Variants in GRID2 observed in about 807,000 individuals in gnomAD.
The protein encoded by GRID2 is glutamate receptor ionotropic, delta-2.
GRID2 carries 33 observed loss-of-function variants against 114.8 expected under a neutral mutation model. The ratio of observed to expected loss-of-function variants is 0.29; its 90% CI spans 0.22 to 0.38. The LOEUF (loss-of-function observed/expected upper bound fraction) is 0.38, where lower values mean the gene tolerates loss of function less well. Ranked by LOEUF, GRID2 falls within the 10% of genes least tolerant of loss-of-function variation. The pLI is 1.00. For synonymous variants in GRID2, 505 were observed against 449.9 expected (o/e 1.12, Z -1.55); for missense variants, 1,184 against 1,257.7 (o/e 0.94, Z 0.89).
At chr4:92,348,236 G>T (rs966764878) in intron 1 of GRID2, among the ~76,000 whole-genome samples, 4 of 152,234 alleles carry the variant, frequency 2.6e-5, no homozygotes, top group South Asian at 2.1e-4. Context: ...AAAGTGTAGG[G>T]ATTAGTCATG....
intron 8 of GRID2, among the ~76,000 whole-genome samples, chr4:93,336,528 G>A (rs1161090854): frequency 6.6e-6 from 1 of 152,130 alleles, no homozygotes; most frequent in Non-Finnish European, 1.5e-5. Flanking sequence ...ATGCTCTCAG[G>A]TATATGTGTG....
intron 2 of GRID2, among the ~76,000 whole-genome samples, chr4:92,961,490 T>A (rs1752808128): frequency 6.6e-6 from 1 of 151,686 alleles, no homozygotes; most frequent in African/African-American, 2.4e-5. Flanking sequence ...TAATATTAAA[T>A]ATTTCATTTA....
chr4:93,083,348 C>G (rs1378196943), intron 2 of GRID2, among the ~76,000 whole-genome samples: 2 of 151,920 alleles, frequency 1.3e-5, no homozygotes, highest in Non-Finnish European at 1.5e-5. Context: ...ATGAACATGA[C>G]TAGAACATAT....
chr4:92,445,289 C>T (rs919598810), intron 1 of GRID2, among the ~76,000 whole-genome samples: 2 of 152,114 alleles, frequency 1.3e-5, no homozygotes, highest in Non-Finnish European at 2.9e-5. Flanking sequence ...ATCACAATGT[C>T]GTGCTGCTAA....
chr4:92,767,545 G>T (rs1027944560), intron 2 of GRID2, among the ~76,000 whole-genome samples: 1 of 152,102 alleles, frequency 6.6e-6, no homozygotes, highest in East Asian at 1.9e-4. Flanking sequence ...GAGGTCAGGA[G>T]TTCAAGACCA....
intron 2 of GRID2, among the ~76,000 whole-genome samples, chr4:92,705,369 T>C (rs1234168811): frequency 7.9e-5 from 12 of 152,178 alleles, no homozygotes; most frequent in Admixed American, 7.9e-4. Flanking sequence ...ATTGAGAACA[T>C]ACTACACGCC....
intron 8 of GRID2, among the ~76,000 whole-genome samples, chr4:93,359,897 A>C (rs1761727188): frequency 6.9e-6 from 1 of 145,768 alleles, no homozygotes; most frequent in Non-Finnish European, 1.5e-5. Context: ...AAAAAAAAAA[A>C]AAAATGGGGT....
At chr4:93,440,970 G>T (rs1470492264) in intron 10 of GRID2, among the ~76,000 whole-genome samples, 2 of 152,126 alleles carry the variant, frequency 1.3e-5, no homozygotes, top group Non-Finnish European at 2.9e-5. Context: ...ATACCATCCA[G>T]GAATGGCTCT....
intron 2 of GRID2, among the ~76,000 whole-genome samples, chr4:92,917,988 G>C (rs1250049698): frequency 6.6e-6 from 1 of 152,148 alleles, no homozygotes; most frequent in Non-Finnish European, 1.5e-5. Flanking sequence ...CATGAGCATG[G>C]AATGTTCTTC....
At chr4:93,341,903 T>G (rs571819163) in intron 8 of GRID2, among the ~76,000 whole-genome samples, 1 of 152,320 alleles carries the variant, frequency 6.6e-6, no homozygotes, top group African/African-American at 2.4e-5. Flanking sequence ...AATATATTTT[T>G]GCAAAAATTT....
At chr4:93,432,551 T>C (rs571696835) in intron 10 of GRID2, among the ~76,000 whole-genome samples, 1 of 152,130 alleles carries the variant, frequency 6.6e-6, no homozygotes, top group South Asian at 2.1e-4. Context: ...TGGCAGAGTG[T>C]TAGAGAAAAC....
intron 11 of GRID2, among the ~76,000 whole-genome samples, 188 bp from the exon 12 acceptor site, chr4:93,490,451 G>T (rs1227870342): frequency 6.6e-6 from 1 of 151,680 alleles, no homozygotes; most frequent in Non-Finnish European, 1.5e-5. Flanking sequence ...GCTTCTTTTG[G>T]CTGGGTCTTT....
rs1022567434 is a variant in GRID2, at chr4:92,799,279, C to T, written c.244+208993C>T. 9.9e-5 allele frequency among the ~76,000 whole-genome samples: 15 copies of T among 151,970 alleles called. 1 individual carries two copies. Among genetic ancestry groups the T allele is most frequent in the African/African-American group, 3.6e-4 (15 of 41,490 alleles). ...TGCACAGTTTGCAATAAGGTCGGTG[C>T]TCCTGTGATAACCTAATGCTGCTGC... On this transcript the variant is annotated intron_variant, in intron 2 of 15. Coordinates refer to ENST00000282020, the MANE Select transcript of GRID2 (RefSeq NM_001510.4).
intron 2 of GRID2, among the ~76,000 whole-genome samples, chr4:92,907,810 G>C (rs1010417430): frequency 6.6e-6 from 1 of 152,092 alleles, no homozygotes; most frequent in Non-Finnish European, 1.5e-5. Flanking sequence ...GATCACCTGA[G>C]GTTAGGAGTT....
At chr4:93,554,869 C>T (rs1734150379) in intron 13 of GRID2, among the ~76,000 whole-genome samples, 1 of 152,152 alleles carries the variant, frequency 6.6e-6, no homozygotes, top group Admixed American at 6.5e-5. Flanking sequence ...AAAATCAATG[C>T]AGAAGGCGGG....
At chr4:93,756,111 T>G (rs1732722458) in intron 14 of GRID2, among the ~76,000 whole-genome samples, 1 of 152,170 alleles carries the variant, frequency 6.6e-6, no homozygotes, top group South Asian at 2.1e-4. Context: ...GATATAACAT[T>G]TATATGTATC....
chr4:92,801,122 C>T lies in GRID2; in HGVS notation c.244+210836C>T, dbSNP rs200315590. Among the ~76,000 whole-genome samples the T allele has an allele frequency of 1.3e-3, 199 of 152,076 alleles. 1 individual carries two copies. Among genetic ancestry groups the T allele is most frequent in the African/African-American group, 4.4e-3 (184 of 41,528 alleles). Reference sequence around the variant, plus strand: ...GCACTTTTCTTAGAATACATTATTACATGAAATGTGTCTTTAAGAAATTCT... The same window carrying T: ...GCACTTTTCTTAGAATACATTATTATATGAAATGTGTCTTTAAGAAATTCT... On this transcript the variant is annotated intron_variant, in intron 2 of 15. Transcript: ENST00000282020.
At chr4:93,220,900 T>A (rs764469713) in intron 6 of GRID2, among the ~76,000 whole-genome samples, 6 of 152,176 alleles carry the variant, frequency 3.9e-5, no homozygotes, top group Non-Finnish European at 5.9e-5. Flanking sequence ...GGCATAAAGC[T>A]AGAAGAGAAA....
chr4:92,828,148 A>G lies in GRID2; in HGVS notation c.244+237862A>G, dbSNP rs564553227. On this transcript the variant is annotated intron_variant, in intron 2 of 15. Coordinates refer to ENST00000282020, the MANE Select transcript of GRID2 (RefSeq NM_001510.4). ...ATTGGTCAAGGATTGTTTCCTAAAT[A>G]AAACCAAAGCCGATTACATTTGAGT... Among the ~76,000 whole-genome samples, 4 of 152,164 alleles carry G rather than the reference A, an allele frequency of 2.6e-5. 1 individual carries two copies. Among genetic ancestry groups the G allele is most frequent in the African/African-American group, 7.2e-5 (3 of 41,564 alleles).
Sources: gnomAD v4.1 joint callset for allele counts (sites outside exome capture counted in the v4.1 genomes callset) on GRCh38, gnomAD v4.1.1 for gene constraint, MANE v1.5 for transcripts, NCBI Gene and HGNC (gene_info 2026-07-23, HGNC 2026-07-21) for gene names.